The following ADGRE2 variants were observed in gnomAD, a reference collection of about 807,000 sequenced individuals.
ADGRE2 encodes adhesion G protein-coupled receptor E2.
ADGRE2 carries 83 observed loss-of-function variants against 100.8 expected under a neutral mutation model. The observed-to-expected ratio is 0.82, with a 90% confidence interval of 0.69 to 0.99. The LOEUF (loss-of-function observed/expected upper bound fraction) is 0.99. Ranked by LOEUF, ADGRE2 falls within the 50% of genes least tolerant of loss-of-function variation. The pLI, the probability that ADGRE2 is intolerant of heterozygous loss-of-function variation, is 0.00. For synonymous variants in ADGRE2, 355 were observed against 413.0 expected (o/e 0.86, Z 1.70); for missense variants, 814 against 1,035.7 (o/e 0.79, Z 2.94).
chr19:14,754,806 A>G, intron 14 of ADGRE2, 148 bp downstream of exon 14: 1 of 823,542 alleles, frequency 1.2e-6, no homozygotes, highest in East Asian at 2.8e-5. Context: ...GTCTTGTAAG[A>G]CCCTGAGCAG....
intron 11 of ADGRE2, among the ~76,000 whole-genome samples, chr19:14,763,836 T>C (rs796399545): frequency 0.016 from 86 of 5,372 alleles, no homozygotes; most frequent in South Asian, 0.025. Context: ...TCCTCCTCCT[T>C]CTCTCCTCCT....
intron 11 of ADGRE2, among the ~76,000 whole-genome samples, chr19:14,756,786 A>T (rs544869515): frequency 6.6e-6 from 1 of 152,344 alleles, no homozygotes; most frequent in South Asian, 2.1e-4. Flanking sequence ...AACCAGATGA[A>T]GACATCACAA....
At chr19:14,755,971 A>G (rs2043489564) in intron 12 of ADGRE2, 94 bp from the exon 13 acceptor site, 5 of 1,056,010 alleles carry the variant, frequency 4.7e-6, no homozygotes, top group South Asian at 3.0e-5. Context: ...TTCTACTCAG[A>G]TGGGCTACCT....
chr19:14,770,919 A>T lies in ADGRE2; in HGVS notation c.355+1423T>A, dbSNP rs554981600. ...GGTCTTGAACTCCTGACCTCAGGTGATCCACCCGCCTCAGCCTCCCAAAGT... is the reference window on the plus strand; with the variant it reads ...GGTCTTGAACTCCTGACCTCAGGTGTTCCACCCGCCTCAGCCTCCCAAAGT... On this transcript the variant is annotated intron_variant, in intron 5 of 20. Coordinates refer to ENST00000315576, the MANE Select transcript of ADGRE2 (RefSeq NM_013447.4). Among the ~76,000 whole-genome samples the T allele has an allele frequency of 4.1e-4, 62 of 151,616 alleles. 1 individual carries two copies. Among genetic ancestry groups the T allele is most frequent in the African/African-American group, 1.5e-3 (61 of 41,408 alleles).
chr19:14,751,392 T>C, intron 16 of ADGRE2, 44 bp downstream of exon 16: 1 of 1,459,578 alleles, frequency 6.9e-7, no homozygotes, highest in Non-Finnish European at 9.6e-7. Context: ...GCAATGGCCA[T>C]GGTTATGCCG....
chr19:14,735,051 C>T lies in ADGRE2; in HGVS notation c.*1185G>A, dbSNP rs2732795. The T allele has an allele frequency of 0.15, 23,451 of 152,126 alleles. 2,020 individuals carry two copies. The highest frequency in any genetic ancestry group is 0.19 in the Non-Finnish European group (13,072 of 67,960). The allele number at this position is 152,126 out of a possible 1,614,324, so 9.4% of individuals were successfully genotyped here. ...AGGTAGCTTTTTCCTATTGGCACAGCTGCCGGCATTCACCCGTGGAAGCTT... is the reference window on the plus strand; with the variant it reads ...AGGTAGCTTTTTCCTATTGGCACAGTTGCCGGCATTCACCCGTGGAAGCTT... On this transcript the variant is annotated 3_prime_UTR_variant, in exon 21 of 21. Transcript: ENST00000315576.
chr19:14,761,997 C>A (rs2043743757), intron 11 of ADGRE2, among the ~76,000 whole-genome samples: 1 of 152,124 alleles, frequency 6.6e-6, no homozygotes, highest in Admixed American at 6.6e-5. Context: ...CACTCATAAA[C>A]TCACTCCTGG....
intron 5 of ADGRE2, 61 bp downstream of exon 5, chr19:14,772,281 C>G: frequency 6.2e-7 from 1 of 1,605,240 alleles, no homozygotes. Flanking sequence ...GCTGCAGAAA[C>G]AGCTCTGGTG....
intron 17 of ADGRE2, among the ~76,000 whole-genome samples, 191 bp downstream of exon 17, chr19:14,746,705 T>A (rs2043103801): frequency 6.6e-6 from 1 of 152,200 alleles, no homozygotes; most frequent in Admixed American, 6.5e-5. Context: ...TAATATGAAT[T>A]ATACACGTAA....
In ADGRE2 at chr19:14,773,106, AAAAAG is replaced by A. The variant is rs1289079511; in HGVS notation, c.200-614_200-610del. On this transcript the variant is annotated intron_variant, in intron 4 of 20. Transcript: ENST00000315576. ...AAAAAAAAAAAAAAAAAACAAAAAA[AAAAAG>A]AAAAAAGAAAAATAAGGGAGAAAAA... Among the ~76,000 whole-genome samples, 551 of 148,802 alleles carry A rather than the reference AAAAAG, an allele frequency of 3.7e-3. 9 individuals are homozygous for A. Among genetic ancestry groups the A allele is most frequent in the South Asian group, 0.016 (72 of 4,626 alleles).
the ADGRE2 span, among the ~76,000 whole-genome samples, chr19:14,727,202 G>A: frequency 7.9e-5 from 12 of 151,772 alleles, no homozygotes; most frequent in Non-Finnish European, 1.6e-4. Flanking sequence ...TAATTTTTTT[G>A]TATTTTTAGT....
At chr19:14,761,422 C>T (rs984847956) in intron 11 of ADGRE2, among the ~76,000 whole-genome samples, 13 of 151,836 alleles carry the variant, frequency 8.6e-5, no homozygotes, top group African/African-American at 3.1e-4. Context: ...AAGACAACAA[C>T]AACAACAATC....
intron 2 of ADGRE2, chr19:14,776,408 TGCCCC>T: frequency 3.2e-6 from 1 of 313,222 alleles, no homozygotes; most frequent in Non-Finnish European, 6.1e-6. Context: ...ACTCACTTTT[TGCCCC>T]TTTCCTTCCC....
intron 14 of ADGRE2, among the ~76,000 whole-genome samples, chr19:14,753,890 G>C (rs980166409): frequency 6.6e-6 from 1 of 152,030 alleles, no homozygotes; most frequent in Non-Finnish European, 1.5e-5. Flanking sequence ...TTCAAAACTT[G>C]TGACGGTTAA....
In ADGRE2 at chr19:14,773,987, C is replaced by A. The variant is rs1400218146; in HGVS notation, c.150G>T (p.Gly50=). ...VNATACRCNP[G]FSSFSEIITT... The stretch of plus-strand genomic sequence containing the variant: ...TGATGATCTCAGAAAAAGAGCTGAA[C>A]CCTGGATTGCAGCGACAGGCGGTGG... Residue 50 remains glycine, a synonymous_variant, in exon 4 of 21, where the codon GGG becomes GGT. Transcript: ENST00000315576. 2 of 1,613,956 alleles carry A rather than the reference C, an allele frequency of 1.2e-6. No homozygotes were observed. The highest frequency in any genetic ancestry group is 2.7e-5 in the African/African-American group (2 of 74,902).
chr19:14,774,153 A>C (rs28492070), intron 3 of ADGRE2, 99 bp from the exon 4 acceptor site: 6 of 1,456,720 alleles, frequency 4.1e-6, no homozygotes, highest in African/African-American at 1.4e-5. Flanking sequence ...TTTCCCGTGC[A>C]CGAGCCCTCT....
At position 14,752,335 on chromosome 19, in the gene ADGRE2, T is replaced by G. The variant is rs1480881887; in HGVS notation, c.1782A>C (p.Gly594=). The change falls in exon 15 of 21, where the codon GGA becomes GGC. Residue 594 remains glycine (G), a synonymous_variant. Coordinates refer to ENST00000315576, the MANE Select transcript of ADGRE2 (RefSeq NM_013447.4). ...LLFLVAIDQT[G]HKVLCSIIAG... ...GGAACACCGCTGTCAATACCTTGTG[T>G]CCGGTTTGATCAATTGCCACGAGGA... 1 of 1,613,972 alleles carries G rather than the reference T, an allele frequency of 6.2e-7. No homozygotes were observed. The highest frequency in any genetic ancestry group is 1.3e-5 in the African/African-American group (1 of 74,984).
chr19:14,751,370 A>C (rs1298225278), intron 16 of ADGRE2, 66 bp downstream of exon 16: 6 of 1,227,192 alleles, frequency 4.9e-6, no homozygotes, highest in Non-Finnish European at 7.2e-6. Context: ...TAAAAATGCT[A>C]TCTAGGTTCT....
chr19:14,741,776 T>C (rs73513961), intron 20 of ADGRE2: 16,788 of 330,670 alleles, frequency 0.051, 2,708 homozygotes, highest in African/African-American at 0.33. Flanking sequence ...TGAGTCACTG[T>C]GCCTGGCCGA....
Sources: allele counts gnomAD v4.1 joint callset (sites outside exome capture counted in the v4.1 genomes callset), GRCh38; gene constraint gnomAD v4.1.1; transcripts MANE v1.5; gene names NCBI Gene and HGNC (gene_info 2026-07-23, HGNC 2026-07-21).